Variants in TENM2 observed in about 807,000 individuals in gnomAD.
The protein encoded by TENM2 is teneurin-2.
A neutral mutation model predicts 245.2 loss-of-function variants in TENM2; 52 were observed. The observed-to-expected ratio is 0.21, with a 90% CI of 0.17 to 0.27. The LOEUF (loss-of-function observed/expected upper bound fraction) is 0.27. Ranked by LOEUF, TENM2 falls within the 10% of genes least tolerant of loss-of-function variation. TENM2 has a pLI of 1.00. For synonymous variants in TENM2, 1,363 were observed against 1,438.9 expected (o/e 0.95, Z 1.19); for missense variants, 3,046 against 3,666.8 (o/e 0.83, Z 4.37).
At chr5:167,533,119 A>G (rs1030544761) in intron 2 of TENM2, among the ~76,000 whole-genome samples, 2 of 152,136 alleles carry the variant, frequency 1.3e-5, no homozygotes, top group Admixed American at 6.6e-5. Context: ...TAGAGATAGG[A>G]AGGTAAAAGA....
At chr5:167,556,577 G>A (rs180804816) in intron 2 of TENM2, among the ~76,000 whole-genome samples, 4 of 152,180 alleles carry the variant, frequency 2.6e-5, no homozygotes, top group African/African-American at 9.6e-5. Flanking sequence ...GTTTCCACGG[G>A]CACTTAATGT....
the TENM2 span, among the ~76,000 whole-genome samples, chr5:167,054,444 C>CCTT: frequency 6.6e-6 from 1 of 152,114 alleles, no homozygotes; most frequent in Non-Finnish European, 1.5e-5. Flanking sequence ...CTGAATGATA[C>CCTT]CTTGGTTGCT....
At position 167,996,953 on chromosome 5, in the gene TENM2, GC is replaced by G. The variant is rs1784097244; in HGVS notation, c.1186+3772del. 2.0e-5 allele frequency among the ~76,000 whole-genome samples: 3 copies of G among 152,122 alleles called. No homozygotes were observed. In the South Asian group the frequency reaches 6.2e-4, roughly 32 times the overall value. The stretch of plus-strand genomic sequence containing the variant: ...AGGGTTTTGCCATGTTGGCCAGGCT[GC>G]TCTCAAACTCCTGGCCTCAAGTCAT... On this transcript the variant is annotated intron_variant, in intron 5 of 28. Transcript: ENST00000518659.
At chr5:168,166,009 A>T in intron 13 of TENM2, 1 of 152,064 alleles carries the variant, frequency 6.6e-6, no homozygotes, top group Non-Finnish European at 1.5e-5. Flanking sequence ...TGTGCTAAGC[A>T]CTTTGCTGTT....
intron 2 of TENM2, among the ~76,000 whole-genome samples, chr5:167,572,666 C>A (rs1376032194): frequency 6.6e-6 from 1 of 152,142 alleles, no homozygotes; most frequent in African/African-American, 2.4e-5. Flanking sequence ...GTAATCCTAG[C>A]CCCCATGTGG....
At chr5:167,735,764 C>G in intron 2 of TENM2, among the ~76,000 whole-genome samples, 1 of 152,050 alleles carries the variant, frequency 6.6e-6, no homozygotes, top group South Asian at 2.1e-4. Context: ...CAAGATCATA[C>G]CACTGCACTC....
At chr5:167,894,990 G>GAAGGA (rs1421649847) in intron 3 of TENM2, among the ~76,000 whole-genome samples, 1 of 136,584 alleles carries the variant, frequency 7.3e-6, no homozygotes, top group Non-Finnish European at 1.6e-5. Flanking sequence ...AGGAAGGAAG[G>GAAGGA]AGGGAAGGAA....
Position 168,090,902 on chromosome 5 carries a change from C to T in TENM2, c.1711+133C>T. 5 of 736,600 alleles carry T rather than the reference C, an allele frequency of 6.8e-6. No homozygotes were observed. In the South Asian group the frequency reaches 7.1e-5, roughly 10 times the overall value. The allele number at this position is 736,600 out of a possible 1,614,324, so 45.6% of individuals were successfully genotyped here. The stretch of plus-strand genomic sequence containing the variant: ...ACCAACCAGGATCCTTTGTTTAGGC[C>T]TTATAGTGTCACCCACCTGAAACTA... On this transcript the variant is annotated intron_variant, in intron 8 of 28. Coordinates refer to ENST00000518659, the Ensembl canonical transcript of TENM2.
In TENM2 at chr5:168,029,099, G is replaced by T. The variant is rs182293977; in HGVS notation, c.1187-18328G>T. On this transcript the variant is annotated intron_variant, in intron 5 of 28. Transcript: ENST00000518659. ...CAAGGCACCTGCAGATTCAGTGAGG[G>T]CTCGATTTCTGGTTCCTAGATGGCA... Among the ~76,000 whole-genome samples, 59 of 152,294 alleles carry T rather than the reference G, an allele frequency of 3.9e-4. No individual in the cohort carries two copies. The East Asian group carries it at 0.01, about 26-fold the overall frequency.
At chr5:167,576,392 G>C (rs1399408071) in intron 2 of TENM2, among the ~76,000 whole-genome samples, 2 of 150,048 alleles carry the variant, frequency 1.3e-5, no homozygotes, top group East Asian at 3.9e-4. Context: ...CAAGAAAAAA[G>C]ATTCTTCTCC....
At chr5:167,356,366 A>G (rs932518485) in intron 1 of TENM2, among the ~76,000 whole-genome samples, 1 of 152,066 alleles carries the variant, frequency 6.6e-6, no homozygotes, top group African/African-American at 2.4e-5. Context: ...GTCACTTCCC[A>G]TGGAGGATGT....
At chr5:167,412,292 G>T (rs1407586173) in intron 2 of TENM2, among the ~76,000 whole-genome samples, 1 of 146,806 alleles carries the variant, frequency 6.8e-6, no homozygotes, top group Non-Finnish European at 1.5e-5. Context: ...CAGCATTATA[G>T]CCTGAGGAGA....
chr5:168,234,049 C>T (rs1177279795), intron 25 of TENM2, among the ~76,000 whole-genome samples: 2 of 152,086 alleles, frequency 1.3e-5, no homozygotes. Flanking sequence ...GGACGTCTCT[C>T]TTTCTGTTTC....
the TENM2 span, among the ~76,000 whole-genome samples, chr5:167,180,871 G>T: frequency 2.0e-5 from 3 of 151,816 alleles, no homozygotes; most frequent in East Asian, 5.8e-4. Flanking sequence ...TGCCTCTGGG[G>T]TGGCAGAAGC....
At chr5:167,716,884 A>ATATTTTATTTTATTTTATTTTATTT (rs200661613) in intron 2 of TENM2, among the ~76,000 whole-genome samples, 1 of 132,154 alleles carries the variant, frequency 7.6e-6, no homozygotes, top group African/African-American at 2.9e-5. Context: ...GTCTTTTTTT[A>ATATTTTATTTTATTTTATTTTATTT]TATTTTATTT....
intron 2 of TENM2, among the ~76,000 whole-genome samples, chr5:167,689,874 C>A (rs1410890726): frequency 6.6e-6 from 1 of 152,144 alleles, no homozygotes; most frequent in Non-Finnish European, 1.5e-5. Context: ...GATTCTCCTG[C>A]CTCAGCCTCC....
rs1443080584 is a variant in TENM2 at position 167,390,836 on chromosome 5, T to C, written c.502+15363T>C. ...TTATGGCTATGAACAACAAGGCACG[T>C]CGAGAAAGCAGGAAGTATACAAATC... On this transcript the variant is annotated intron_variant, in intron 2 of 28. Transcript: ENST00000518659. Among the ~76,000 whole-genome samples the C allele has an allele frequency of 3.3e-5, 5 of 152,208 alleles. No homozygotes were observed. In the East Asian group the frequency reaches 5.8e-4, roughly 18 times the overall value.
At chr5:168,090,477 C>A (rs1581267021) in intron 7 of TENM2, 97 bp from the exon 10 acceptor site, 1 of 1,089,304 alleles carries the variant, frequency 9.2e-7, no homozygotes, top group Non-Finnish European at 1.3e-6. Flanking sequence ...CAAAAAAGGT[C>A]TTTCTCCATT....
chr5:168,141,380 G>C (rs1229231646), intron 12 of TENM2, among the ~76,000 whole-genome samples: 3 of 152,156 alleles, frequency 2.0e-5, no homozygotes, highest in African/African-American at 7.2e-5. Context: ...CAAAACCAGG[G>C]AAACACCTGG....
Sources: allele counts gnomAD v4.1 joint callset (sites outside exome capture counted in the v4.1 genomes callset), GRCh38; gene constraint gnomAD v4.1.1; transcripts MANE v1.5; gene names NCBI Gene and HGNC (gene_info 2026-07-23, HGNC 2026-07-21).